SPAG16: variants seen among roughly 807,000 people sequenced by gnomAD.
SPAG16 encodes sperm-associated antigen 16 protein.
Under a neutral mutation model 80.4 loss-of-function variants are expected in SPAG16, and 86 were observed. That is an observed-to-expected ratio of 1.07 (90% CI 0.90 to 1.28). SPAG16 has a LOEUF of 1.28. SPAG16 is among the 50% of genes most tolerant of loss of function. The pLI is 0.00. For synonymous variants in SPAG16, 294 were observed against 265.9 expected, an observed-to-expected ratio of 1.11 and a Z score of -1.03; for missense variants, 870 against 765.3, an observed-to-expected ratio of 1.14 and a Z score of -1.61.
intron 10 of SPAG16, among the ~76,000 whole-genome samples, chr2:213,701,246 T>A (rs201148608): frequency 4.8e-3 from 280 of 58,424 alleles, no homozygotes; most frequent in East Asian, 6.6e-3. Flanking sequence ...TCTAAAAAAA[T>A]AAATAAATAA....
chr2:213,342,331 ATATATATATTACATATATG>A (rs1267598032), intron 6 of SPAG16, among the ~76,000 whole-genome samples: 262 of 21,092 alleles, frequency 0.012, no homozygotes, highest in African/African-American at 0.032. Context: ...ATATATGTGT[ATATATATATTACATATATG>A]TATATATATA....
At chr2:213,862,352 T>C in intron 10 of SPAG16, 133 bp from the exon 11 acceptor site, 6 of 1,106,598 alleles carry the variant, frequency 5.4e-6, no homozygotes, top group Non-Finnish European at 7.8e-6. Context: ...TGCTTCCTCT[T>C]ATTTTGGGGC....
At chr2:213,334,753 A>G (rs1052496205) in intron 5 of SPAG16, among the ~76,000 whole-genome samples, 9 of 152,220 alleles carry the variant, frequency 5.9e-5, no homozygotes, top group Non-Finnish European at 1.2e-4. Context: ...CTAGAAATCA[A>G]AACAATTGAA....
intron 10 of SPAG16, among the ~76,000 whole-genome samples, chr2:213,594,105 C>G (rs2060805870): frequency 6.6e-6 from 1 of 152,068 alleles, no homozygotes; most frequent in Non-Finnish European, 1.5e-5. Flanking sequence ...AACTTCAACT[C>G]TTTAGCTTTG....
chr2:213,378,895 G>A (rs968124627), intron 9 of SPAG16, among the ~76,000 whole-genome samples: 1 of 152,166 alleles, frequency 6.6e-6, no homozygotes, highest in African/African-American at 2.4e-5. Flanking sequence ...AGACATCCTA[G>A]TGGATCTCCT....
At position 213,825,534 on chromosome 2, in the gene SPAG16, T is replaced by C. The variant is rs968899028; in HGVS notation, c.1071-36951T>C. Among the ~76,000 whole-genome samples the C allele has an allele frequency of 2.6e-5, 4 of 152,106 alleles. No homozygotes were observed. The South Asian group carries it at 6.2e-4, about 24-fold the overall frequency. Reference sequence around the variant, plus strand: ...GGTAAAATGCATTGCATCGATTGATTTGCATATGTTAAACCATCCTTGCAT... The same window carrying C: ...GGTAAAATGCATTGCATCGATTGATCTGCATATGTTAAACCATCCTTGCAT... On this transcript the variant is annotated intron_variant, in intron 10 of 15. Coordinates refer to ENST00000331683, the MANE Select transcript of SPAG16 (RefSeq NM_024532.5).
chr2:213,323,202 A>T (rs2063697148), intron 5 of SPAG16, among the ~76,000 whole-genome samples: 1 of 152,202 alleles, frequency 6.6e-6, no homozygotes, highest in African/African-American at 2.4e-5. Context: ...GCACTGTGGG[A>T]GGCCGAGGCG....
At chr2:214,201,577 A>G (rs992422505) in intron 15 of SPAG16, among the ~76,000 whole-genome samples, 8 of 152,224 alleles carry the variant, frequency 5.3e-5, no homozygotes, top group Non-Finnish European at 1.0e-4. Flanking sequence ...TCATATATTT[A>G]AATGCATCAA....
intron 9 of SPAG16, chr2:213,422,567 G>C (rs934338931): frequency 2.4e-6 from 1 of 414,302 alleles, no homozygotes. Context: ...GCAAAACTTG[G>C]GCAAAGGTAC....
chr2:214,345,592 T>C (rs1364863991), intron 15 of SPAG16, among the ~76,000 whole-genome samples: 2 of 152,168 alleles, frequency 1.3e-5, no homozygotes, highest in African/African-American at 4.8e-5. Flanking sequence ...GAAAGTTCTC[T>C]GAATTATAAT....
At chr2:213,977,442 C>T (rs923896041) in intron 12 of SPAG16, among the ~76,000 whole-genome samples, 1 of 151,980 alleles carries the variant, frequency 6.6e-6, no homozygotes, top group Non-Finnish European at 1.5e-5. Context: ...ACTGCCCCCC[C>T]CATACCCAAT....
chr2:214,116,018 A>G (rs1483717953), intron 14 of SPAG16, among the ~76,000 whole-genome samples: 2 of 151,986 alleles, frequency 1.3e-5, no homozygotes, highest in African/African-American at 4.8e-5. Flanking sequence ...AAGACTTAGG[A>G]GGATTATTTT....
At chr2:214,091,650 A>G (rs918074886) in intron 13 of SPAG16, among the ~76,000 whole-genome samples, 1 of 152,164 alleles carries the variant, frequency 6.6e-6, no homozygotes, top group African/African-American at 2.4e-5. Flanking sequence ...ACATTAGTCT[A>G]TAACTTGCTT....
chr2:214,148,268 G>A (rs1463478953), intron 14 of SPAG16, among the ~76,000 whole-genome samples: 1 of 152,106 alleles, frequency 6.6e-6, no homozygotes, highest in Non-Finnish European at 1.5e-5. Context: ...CTGTCACAAA[G>A]TAGATGCTCA....
At chr2:213,489,497 G>A (rs12987615) in intron 9 of SPAG16, among the ~76,000 whole-genome samples, 40,679 of 151,912 alleles carry the variant, frequency 0.27, 6,356 homozygotes, top group Middle Eastern at 0.44. Context: ...GATTTAAAAA[G>A]AAAATCATAA....
intron 15 of SPAG16, among the ~76,000 whole-genome samples, chr2:214,234,519 TC>T (rs1336003692): frequency 6.6e-6 from 1 of 152,176 alleles, no homozygotes; most frequent in Admixed American, 6.6e-5. Context: ...CATAAAAGAA[TC>T]CCTTTTTCTC....
chr2:213,632,260 A>T (rs1559327595), intron 10 of SPAG16, among the ~76,000 whole-genome samples: 3 of 151,284 alleles, frequency 2.0e-5, no homozygotes, highest in Non-Finnish European at 3.0e-5. Flanking sequence ...TCCTTTTTAA[A>T]TTTTTTTTCA....
intron 1 of SPAG16, chr2:213,285,752 T>G: frequency 4.1e-6 from 2 of 483,192 alleles, no homozygotes; most frequent in South Asian, 3.9e-5. Context: ...TTGAATCGCT[T>G]GAAATGAATT....
chr2:213,807,037 C>T (rs2071811114), intron 10 of SPAG16, among the ~76,000 whole-genome samples: 1 of 152,142 alleles, frequency 6.6e-6, no homozygotes, highest in African/African-American at 2.4e-5. Flanking sequence ...TTCCTTACAT[C>T]CCACTGACTC....
Sources: allele counts gnomAD v4.1 joint callset (sites outside exome capture counted in the v4.1 genomes callset), GRCh38; gene constraint gnomAD v4.1.1; transcripts MANE v1.5; gene names NCBI Gene and HGNC (gene_info 2026-07-23, HGNC 2026-07-21).